Variants in DPH6 observed in about 807,000 individuals in gnomAD.
The protein encoded by DPH6 is diphthine--ammonia ligase.
DPH6 carries 33 observed loss-of-function variants against 38.2 expected under a neutral mutation model. The observed-to-expected ratio is 0.86, with a 90% CI of 0.65 to 1.15. DPH6 has a LOEUF of 1.15. Ranked by LOEUF, DPH6 falls within the 50% of genes most tolerant of loss-of-function variation. The pLI is 0.00. For missense variants in DPH6, 325 were observed against 320.0 expected, an observed-to-expected ratio of 1.02 and a Z score of -0.12; for synonymous variants, 108 against 103.0, an observed-to-expected ratio of 1.05 and a Z score of -0.30.
At chr15:35,227,846 A>C (rs1193966312) in intron 3 of DPH6, among the ~76,000 whole-genome samples, 1 of 151,948 alleles carries the variant, frequency 6.6e-6, no homozygotes, top group Non-Finnish European at 1.5e-5. Flanking sequence ...TGTTTCAAAA[A>C]ATTTTTCAAT....
chr15:35,226,593 C>G (rs1414039210), intron 3 of DPH6, among the ~76,000 whole-genome samples: 1 of 152,026 alleles, frequency 6.6e-6, no homozygotes, highest in Non-Finnish European at 1.5e-5. Context: ...ACAATAGCTA[C>G]AAATAAAATT....
chr15:35,308,939 G>C (rs1196228081), intron 3 of DPH6, among the ~76,000 whole-genome samples: 3 of 152,214 alleles, frequency 2.0e-5, no homozygotes, highest in Non-Finnish European at 4.4e-5. Context: ...ACACTGTCAA[G>C]TTTACATACA....
At chr15:35,327,336 CTTT>C (rs376483680), downstream of DPH6, among the ~76,000 whole-genome samples, 2 of 127,794 alleles carry the variant, frequency 1.6e-5, no homozygotes, top group African/African-American at 3.1e-5. Context: ...GAAAAGGTTC[CTTT>C]TTTTTTTTTT....
At chr15:35,176,772 G>A in the DPH6 span, among the ~76,000 whole-genome samples, 4 of 152,054 alleles carry the variant, frequency 2.6e-5, no homozygotes, top group African/African-American at 9.7e-5. Flanking sequence ...TGCCTGGCCT[G>A]TAAGGTCTTT....
chr15:35,149,364 A>G, the DPH6 span, among the ~76,000 whole-genome samples: 2 of 152,038 alleles, frequency 1.3e-5, no homozygotes, highest in East Asian at 3.9e-4. Context: ...CAGCCTCCCG[A>G]GTAGCTGGGA....
the DPH6 span, among the ~76,000 whole-genome samples, chr15:35,156,439 G>A: frequency 2.0e-5 from 3 of 152,092 alleles, no homozygotes; most frequent in African/African-American, 7.2e-5. Flanking sequence ...AGGTGAAAAT[G>A]CCACTACTGA....
At position 35,311,938 on chromosome 15, in the gene DPH6, T is replaced by C. The variant is rs140897216; in HGVS notation, n.200+61583A>G. 1.7e-4 allele frequency among the ~76,000 whole-genome samples: 25 copies of C among 151,226 alleles called. No homozygotes were observed. In the East Asian group the frequency reaches 4.9e-3, roughly 29 times the overall value. ...TTAGGTTCCTTCCAACGCTAAATTT[T>C]ATAATCTTATGACTATCCAAACACG... On this transcript the variant is annotated intron_variant and non_coding_transcript_variant, in intron 3 of 3. Transcript: ENST00000560386.
intron 6 of DPH6, among the ~76,000 whole-genome samples, chr15:35,391,644 G>A (rs886146472): frequency 2.0e-5 from 3 of 152,242 alleles, no homozygotes; most frequent in South Asian, 2.1e-4. Context: ...TCCGAACCAG[G>A]TGTGGGATAT....
At chr15:35,461,215 C>G (rs150576262) in intron 3 of DPH6, among the ~76,000 whole-genome samples, 73 of 152,310 alleles carry the variant, frequency 4.8e-4, no homozygotes, top group Admixed American at 3.1e-3. Context: ...CTTCGAATAG[C>G]TGGGACTACA....
the DPH6 span, among the ~76,000 whole-genome samples, chr15:35,154,555 C>G: frequency 3.3e-5 from 5 of 152,130 alleles, no homozygotes; most frequent in Admixed American, 6.6e-5. Flanking sequence ...GACTGTCAGG[C>G]ACATAGTAGG....
At chr15:35,378,211 C>T (rs1402735776) in intron 7 of DPH6, among the ~76,000 whole-genome samples, 5 of 152,128 alleles carry the variant, frequency 3.3e-5, no homozygotes, top group East Asian at 1.9e-4. Context: ...ATGCAGCCAA[C>T]AGACAAATGA....
chr15:35,201,470 C>T, the DPH6 span, among the ~76,000 whole-genome samples: 10 of 151,924 alleles, frequency 6.6e-5, no homozygotes, highest in East Asian at 1.7e-3. Flanking sequence ...ATTCTGAATG[C>T]TAACCATTTA....
Position 35,454,728 on chromosome 15 carries a change from C to T in DPH6, c.386+19G>A. On this transcript the variant is annotated intron_variant, in intron 4 of 8. Coordinates refer to ENST00000256538, the MANE Select transcript of DPH6 (RefSeq NM_080650.4). ...AAAACACATACACTTTTAAAACTAA[C>T]AAATTAATGTTTTCTTACACATTTT... is the stretch of plus-strand genomic sequence containing the variant. 1 of 1,586,796 alleles carries T rather than the reference C, an allele frequency of 6.3e-7. No individual in the cohort carries two copies. Among genetic ancestry groups the T allele is most frequent in the Non-Finnish European group, 8.6e-7 (1 of 1,163,568 alleles).
chr15:35,477,196 CAATT>C (rs1322100595), intron 3 of DPH6, among the ~76,000 whole-genome samples: 1 of 151,678 alleles, frequency 6.6e-6, no homozygotes, highest in South Asian at 2.1e-4. Context: ...TTAAAATGTA[CAATT>C]AATACAATAA....
At chr15:35,455,551 G>T (rs2053985626) in intron 3 of DPH6, among the ~76,000 whole-genome samples, 2 of 152,084 alleles carry the variant, frequency 1.3e-5, no homozygotes, top group Admixed American at 6.6e-5. Context: ...AACAAAACAA[G>T]ATCAATCAAG....
At chr15:35,212,122 A>G in the DPH6 span, among the ~76,000 whole-genome samples, 1 of 152,212 alleles carries the variant, frequency 6.6e-6, no homozygotes, top group East Asian at 1.9e-4. Flanking sequence ...CTTGTGCCAC[A>G]AGCCCCACTG....
At chr15:35,233,189 A>G (rs2051530106) in intron 3 of DPH6, among the ~76,000 whole-genome samples, 1 of 152,122 alleles carries the variant, frequency 6.6e-6, no homozygotes, top group African/African-American at 2.4e-5. Flanking sequence ...GGCACCTGTA[A>G]TCCCAGCTAC....
intron 6 of DPH6, among the ~76,000 whole-genome samples, chr15:35,382,575 C>A (rs891108657): frequency 6.6e-6 from 1 of 152,160 alleles, no homozygotes; most frequent in Non-Finnish European, 1.5e-5. Context: ...CCAAATTGGG[C>A]TCCCCCAACT....
intron 2 of DPH6, among the ~76,000 whole-genome samples, chr15:35,540,563 T>A (rs1479225523): frequency 1.3e-5 from 2 of 152,096 alleles, no homozygotes; most frequent in African/African-American, 4.8e-5. Flanking sequence ...CCCACAGCCA[T>A]CTGTTTTCTT....
Sources: gnomAD v4.1 joint callset for allele counts (sites outside exome capture counted in the v4.1 genomes callset) on GRCh38, gnomAD v4.1.1 for gene constraint, MANE v1.5 for transcripts, NCBI Gene and HGNC (gene_info 2026-07-23, HGNC 2026-07-21) for gene names.